USP40: variants seen among roughly 807,000 people sequenced by gnomAD.
USP40 encodes the protein ubiquitin specific peptidase 40.
In USP40, 143 loss-of-function variants were observed where a neutral mutation model predicts 166.2. That is an observed-to-expected ratio of 0.86 (90% CI 0.75 to 0.99). USP40 has a LOEUF of 0.99. Ranked by LOEUF, USP40 falls within the 50% of genes least tolerant of loss-of-function variation. The pLI is 0.00. For synonymous variants in USP40, 498 were observed against 524.0 expected (o/e 0.95, Z 0.68); for missense variants, 1,444 against 1,479.7 (o/e 0.98, Z 0.40).
At chr2:233,500,574 CACTGCTGTACTGT>C (rs879376485) in intron 21 of USP40, among the ~76,000 whole-genome samples, 5 of 151,980 alleles carry the variant, frequency 3.3e-5, no homozygotes, top group Non-Finnish European at 7.4e-5. Context: ...ATAAGGAAGT[CACTGCTGTACTGT>C]TTGTAATAAA....
chr2:233,503,349 C>T (rs369214790), intron 21 of USP40, among the ~76,000 whole-genome samples: 11 of 152,190 alleles, frequency 7.2e-5, no homozygotes, highest in Admixed American at 3.3e-4. Flanking sequence ...AAAGACACAG[C>T]GTATCTATTT....
intron 8 of USP40, among the ~76,000 whole-genome samples, chr2:233,547,439 G>A (rs1454072988): frequency 6.6e-6 from 1 of 152,162 alleles, no homozygotes; most frequent in African/African-American, 2.4e-5. Context: ...AGCTGGCTGA[G>A]TGTCATCAAA....
chr2:233,516,496 G>A (rs979905336), intron 18 of USP40, among the ~76,000 whole-genome samples: 2 of 152,086 alleles, frequency 1.3e-5, no homozygotes, highest in African/African-American at 4.8e-5. Context: ...AGCAGATCAA[G>A]ACCATCCTGG....
intron 7 of USP40, 37 bp downstream of exon 7, chr2:233,551,339 G>T (rs549549249): frequency 3.7e-5 from 58 of 1,561,344 alleles, no homozygotes; most frequent in East Asian, 4.5e-5. Flanking sequence ...ATCTTGAGAG[G>T]GGAAAAGAAA....
At chr2:233,555,269 G>T (rs2070964039) in intron 5 of USP40, among the ~76,000 whole-genome samples, 1 of 152,152 alleles carries the variant, frequency 6.6e-6, no homozygotes, top group Non-Finnish European at 1.5e-5. Flanking sequence ...TAAAAAGAGG[G>T]TTTATGAAAT....
At position 233,477,432 on chromosome 2, in the gene USP40, G is replaced by A. The variant is rs537680578; in HGVS notation, c.3671C>T (p.Pro1224Leu). 1.3e-5 allele frequency: 21 copies of A among 1,613,800 alleles called. No homozygotes were observed. The highest frequency in any genetic ancestry group is 4.0e-5 in the African/African-American group (3 of 75,078). The change falls in exon 32 of 32, where the codon CCG (proline) becomes CTG (leucine). Residue 1224 changes from proline (P) to leucine (L), a missense_variant. Physicochemically the swap from Pro to Leu is moderately conservative, Grantham distance 98. Transcript: ENST00000678225. ...SAETPARPRA[P>L]ETSLSIHVGS... Reference sequence around the variant, plus strand: ...CACGTGGATGGAGAGAGAAGTTTCCGGGGCTCGGGGCCGGGCAGGCGTCTC... The same window carrying A: ...CACGTGGATGGAGAGAGAAGTTTCCAGGGCTCGGGGCCGGGCAGGCGTCTC...
intron 5 of USP40, 30 bp from the exon 6 acceptor site, chr2:233,554,556 A>T: frequency 6.4e-7 from 1 of 1,564,478 alleles, no homozygotes; most frequent in Non-Finnish European, 8.6e-7. Context: ...AATATTGAAA[A>T]ACAATTTCAG....
chr2:233,498,445 T>C (rs2065870822), intron 23 of USP40, 103 bp downstream of exon 23: 5 of 1,008,652 alleles, frequency 5.0e-6, no homozygotes, highest in Admixed American at 5.5e-5. Flanking sequence ...TTGTATCCTA[T>C]AGAAAGTAAT....
At chr2:233,543,602 T>C (rs146250199) in intron 8 of USP40, among the ~76,000 whole-genome samples, 84 of 152,296 alleles carry the variant, frequency 5.5e-4, no homozygotes, top group Admixed American at 4.4e-3. Flanking sequence ...AGTGCCTTTA[T>C]AAAAAAGGCC....
chr2:233,523,155 T>C lies in USP40; in HGVS notation c.2201+15A>G. ...ATGACTTTTAGAAATCCTTTTTCTC[T>C]TGTTAGCGAGTTACCTGTTATCATC... On this transcript the variant is annotated intron_variant, in intron 16 of 31. Transcript: ENST00000678225. The C allele has an allele frequency of 1.9e-6, 3 of 1,588,074 alleles. No individual in the cohort carries two copies. The highest frequency in any genetic ancestry group is 2.6e-6 in the Non-Finnish European group (3 of 1,164,732).
At chr2:233,484,803 C>T (rs1165802328) in intron 30 of USP40, among the ~76,000 whole-genome samples, 7 of 152,096 alleles carry the variant, frequency 4.6e-5, no homozygotes, top group Non-Finnish European at 1.0e-4. Flanking sequence ...TTTGTAAGAA[C>T]GGTTTTATAT....
intron 9 of USP40, 28 bp downstream of exon 9, chr2:233,542,240 T>C: frequency 7.4e-7 from 1 of 1,344,276 alleles, no homozygotes; most frequent in Non-Finnish European, 1.0e-6. Flanking sequence ...ATACCATACA[T>C]ACAAATACAT....
chr2:233,511,120 T>C (rs956495712), intron 20 of USP40, among the ~76,000 whole-genome samples: 1 of 152,198 alleles, frequency 6.6e-6, no homozygotes, highest in African/African-American at 2.4e-5. Context: ...AATATCCTTA[T>C]GATTTCTGCA....
At chr2:233,557,322 A>G (rs1298643292) in intron 4 of USP40, among the ~76,000 whole-genome samples, 1 of 152,262 alleles carries the variant, frequency 6.6e-6, no homozygotes, top group East Asian at 1.9e-4. Flanking sequence ...CAGAAAGCAG[A>G]GAGGGATATA....
At chr2:233,550,217 C>T (rs1479528011) in intron 7 of USP40, among the ~76,000 whole-genome samples, 1 of 152,022 alleles carries the variant, frequency 6.6e-6, no homozygotes, top group East Asian at 1.9e-4. Context: ...CTAGTACAGG[C>T]AAAAGACAAG....
Position 233,559,798 on chromosome 2 carries a change from C to T in USP40, c.381+13G>A. On this transcript the variant is annotated intron_variant, in intron 4 of 31. Transcript: ENST00000678225. ...TTGCTGGTAACTCTTCCTTAAAGAG[C>T]TGATCCTCGTACCTCATTACTGGTC... 6.4e-7 allele frequency: 1 copy of T among 1,572,972 alleles called. No homozygotes were observed. Among genetic ancestry groups the T allele is most frequent in the Non-Finnish European group, 8.7e-7 (1 of 1,153,692 alleles).
chr2:233,559,038 C>T (rs2071345559), intron 4 of USP40, among the ~76,000 whole-genome samples: 1 of 152,192 alleles, frequency 6.6e-6, no homozygotes, highest in Non-Finnish European at 1.5e-5. Context: ...ACTTCTGTGA[C>T]AGTTGCCTAT....
intron 9 of USP40, 138 bp downstream of exon 9, chr2:233,542,130 G>A (rs2069472557): frequency 9.7e-6 from 4 of 414,204 alleles, no homozygotes; most frequent in East Asian, 3.7e-5. Flanking sequence ...TACAGAGAAT[G>A]TCCTTAAGGA....
At chr2:233,484,424 G>C (rs975175660) in intron 30 of USP40, among the ~76,000 whole-genome samples, 1 of 150,962 alleles carries the variant, frequency 6.6e-6, no homozygotes, top group Non-Finnish European at 1.5e-5. Context: ...GGACCCTTTC[G>C]AACTCCTCTA....
Sources: gnomAD v4.1 joint callset for allele counts (sites outside exome capture counted in the v4.1 genomes callset) on GRCh38, gnomAD v4.1.1 for gene constraint, MANE v1.5 for transcripts, NCBI Gene and HGNC (gene_info 2026-07-23, HGNC 2026-07-21) for gene names.